The following PCYT1B variants were observed in gnomAD, a reference collection of about 807,000 sequenced individuals.
PCYT1B encodes phosphate cytidylyltransferase 1B, choline, also known as choline-phosphate cytidylyltransferase B.
PCYT1B carries 10 observed loss-of-function variants against 26.4 expected under a neutral mutation model. That is an observed-to-expected ratio of 0.38 (90% CI 0.23 to 0.64). The LOEUF is 0.64. PCYT1B is among the 30% of genes least tolerant of loss of function. The pLI, the probability that PCYT1B is intolerant of heterozygous loss-of-function variation, is 0.56. For synonymous variants in PCYT1B, 131 were observed against 108.4 expected, an observed-to-expected ratio of 1.21 and a Z score of -1.29; for missense variants, 161 against 292.7, an observed-to-expected ratio of 0.55 and a Z score of 3.28.
chrX:24,605,066 A>G (rs1046145815), intron 3 of PCYT1B, among the ~76,000 whole-genome samples: 1 of 111,716 alleles, frequency 9.0e-6, no homozygotes, highest in Non-Finnish European at 1.9e-5. Flanking sequence ...TTTGAGAGTG[A>G]TAGAATGACT....
At chrX:24,629,121 C>T (rs767515674) in intron 1 of PCYT1B, among the ~76,000 whole-genome samples, 1 of 112,137 alleles carries the variant, frequency 8.9e-6, no homozygotes, top group South Asian at 3.7e-4. Context: ...AAAGATTGAA[C>T]ATTTTTCAAA....
intron 1 of PCYT1B, among the ~76,000 whole-genome samples, chrX:24,626,629 G>T (rs780003454): frequency 8.9e-6 from 1 of 111,772 alleles, no homozygotes; most frequent in African/African-American, 3.2e-5. Context: ...GGGGAGGGAG[G>T]TCTATATTAA....
At chrX:24,596,654 C>T (rs770363984) in intron 3 of PCYT1B, among the ~76,000 whole-genome samples, 1 of 109,569 alleles carries the variant, frequency 9.1e-6, no homozygotes, top group Admixed American at 9.8e-5. Flanking sequence ...GATTGTGGTG[C>T]CTTTTACTGC....
At chrX:24,639,711 C>G (rs1038666139) in intron 1 of PCYT1B, among the ~76,000 whole-genome samples, 2 of 111,878 alleles carry the variant, frequency 1.8e-5, no homozygotes, top group African/African-American at 6.5e-5. Context: ...GATAGAGAGG[C>G]CTTCAACTTT....
At chrX:24,657,462 C>A (rs1423789676) in intron 1 of PCYT1B, among the ~76,000 whole-genome samples, 1 of 112,350 alleles carries the variant, frequency 8.9e-6, no homozygotes, top group African/African-American at 3.2e-5. Context: ...GGCTCATTTG[C>A]ACACACATAT....
At position 24,560,638 on chromosome X, in the gene PCYT1B, G is replaced by C. The variant is rs1389699656; in HGVS notation, c.*1655C>G. The C allele has an allele frequency of 2.7e-5, 3 of 111,512 alleles. No homozygotes were observed. Among genetic ancestry groups the C allele is most frequent in the Non-Finnish European group, 5.7e-5 (3 of 53,032 alleles). The allele number at this position is 111,512 out of a possible 1,213,427, so 9.2% of individuals were successfully genotyped here. Reference sequence around the variant, plus strand: ...GCACTCATCTCCAAGTGGATAGGGAGGTAGTTCAACCCCAACAAGAAGGGG... The same window carrying C: ...GCACTCATCTCCAAGTGGATAGGGACGTAGTTCAACCCCAACAAGAAGGGG... On this transcript the variant is annotated 3_prime_UTR_variant, in exon 8 of 8. Coordinates refer to ENST00000379144, the MANE Select transcript of PCYT1B (RefSeq NM_004845.5).
intron 3 of PCYT1B, among the ~76,000 whole-genome samples, chrX:24,601,720 G>A (rs1924973249): frequency 9.0e-6 from 1 of 111,672 alleles, no homozygotes; most frequent in Non-Finnish European, 1.9e-5. Context: ...TATGTCACTA[G>A]GAAATTGAAA....
chrX:24,623,823 C>T (rs1383890188), intron 1 of PCYT1B, among the ~76,000 whole-genome samples: 1 of 111,139 alleles, frequency 9.0e-6, no homozygotes, highest in Non-Finnish European at 1.9e-5. Flanking sequence ...AAAATGGTTG[C>T]TAGAACCTGC....
At chrX:24,616,727 T>C (rs1470498860) in intron 2 of PCYT1B, among the ~76,000 whole-genome samples, 2 of 111,976 alleles carry the variant, frequency 1.8e-5, no homozygotes, top group African/African-American at 6.5e-5. Context: ...TTAACAAGCA[T>C]ACCAGGTGAT....
intron 2 of PCYT1B, among the ~76,000 whole-genome samples, chrX:24,615,880 G>A (rs1925473408): frequency 8.9e-6 from 1 of 111,872 alleles, no homozygotes; most frequent in African/African-American, 3.2e-5. Context: ...ATGGCCTGCT[G>A]TGGACCATGA....
chrX:24,634,765 A>G (rs1413309940), intron 1 of PCYT1B, among the ~76,000 whole-genome samples: 2 of 110,795 alleles, frequency 1.8e-5, no homozygotes, highest in Non-Finnish European at 3.8e-5. Context: ...AAACAACAAC[A>G]ACAACAACAA....
At chrX:24,662,834 GGGACAAGCACA>G (rs1255987887) in intron 1 of PCYT1B, among the ~76,000 whole-genome samples, 20 of 111,964 alleles carry the variant, frequency 1.8e-4, no homozygotes, top group African/African-American at 6.5e-4. Context: ...TTTGGTATGT[GGGACAAGCACA>G]GTACGAAGCT....
intron 7 of PCYT1B, among the ~76,000 whole-genome samples, chrX:24,566,534 G>A (rs1388088933): frequency 1.8e-5 from 2 of 111,744 alleles, no homozygotes; most frequent in East Asian, 2.8e-4. Context: ...ATGAGACTGC[G>A]AGTGATTTTC....
Position 24,644,449 on chromosome X carries a change from T to TACACACAC in PCYT1B, c.117+2532_117+2539dup, listed in dbSNP as rs201474505. Among the ~76,000 whole-genome samples, 588 of 95,337 alleles carry TACACACAC rather than the reference T, an allele frequency of 6.2e-3. 4 individuals are homozygous for TACACACAC. Among genetic ancestry groups the TACACACAC allele is most frequent in the Non-Finnish European group, 6.5e-3 (310 of 48,046 alleles). The allele number at this position is 95,337 out of a possible 115,157, so 82.8% of individuals were successfully genotyped here. Reference sequence around the variant, plus strand: ...GTATCATACCTATGCATGTGCATGATACACACACACACACACACACACACA... The same window carrying TACACACAC: ...GTATCATACCTATGCATGTGCATGATACACACACACACACACACACACACACACACACA... On this transcript the variant is annotated intron_variant, in intron 1 of 7. Coordinates refer to ENST00000379144, the MANE Select transcript of PCYT1B (RefSeq NM_004845.5).
rs951604438 is a variant in PCYT1B at position 24,559,531 on chromosome X, T to G, written c.*2762A>C. 3 of 110,793 alleles carry G rather than the reference T, an allele frequency of 2.7e-5. No individual in the cohort carries two copies. Among genetic ancestry groups the G allele is most frequent in the Non-Finnish European group, 5.7e-5 (3 of 52,792 alleles). The allele number at this position is 110,793 out of a possible 1,213,427, so 9.1% of individuals were successfully genotyped here. ...ACTACCCTCCTGCTCCCCTACAACT[T>G]CAGTCCCACTTTCTCCCATCTTCAT... is the stretch of plus-strand genomic sequence containing the variant. On this transcript the variant is annotated 3_prime_UTR_variant, in exon 8 of 8. Coordinates refer to ENST00000379144, the MANE Select transcript of PCYT1B (RefSeq NM_004845.5).
intron 1 of PCYT1B, among the ~76,000 whole-genome samples, chrX:24,626,378 A>C (rs1481614417): frequency 8.9e-6 from 1 of 112,025 alleles, no homozygotes; most frequent in Non-Finnish European, 1.9e-5. Context: ...TGAATGATAC[A>C]CATTGAATTG....
At chrX:24,668,824 AG>A (rs1404826900) in intron 1 of PCYT1B, among the ~76,000 whole-genome samples, 1 of 111,150 alleles carries the variant, frequency 9.0e-6, no homozygotes, top group Non-Finnish European at 1.9e-5. Context: ...AGGGCACCTT[AG>A]GGGATCCCTG....
At chrX:24,568,643 A>T (rs1327016039) in intron 7 of PCYT1B, among the ~76,000 whole-genome samples, 1 of 111,844 alleles carries the variant, frequency 8.9e-6, no homozygotes, top group Non-Finnish European at 1.9e-5. Flanking sequence ...CCATTTACTG[A>T]TGCTATGACT....
chrX:24,563,698 C>T (rs760947196), intron 7 of PCYT1B, among the ~76,000 whole-genome samples: 2 of 111,569 alleles, frequency 1.8e-5, no homozygotes, highest in South Asian at 7.6e-4. Context: ...TGCGGGAGAT[C>T]AGGCCAGAGA....
Sources: allele counts gnomAD v4.1 joint callset (sites outside exome capture counted in the v4.1 genomes callset), GRCh38; gene constraint gnomAD v4.1.1; transcripts MANE v1.5; gene names NCBI Gene and HGNC (gene_info 2026-07-23, HGNC 2026-07-21).